The following GFRA1 variants were observed in gnomAD, a reference collection of about 807,000 sequenced individuals.
GFRA1 encodes GDNF family receptor alpha-1.
A neutral mutation model predicts 51.6 loss-of-function variants in GFRA1; 16 were observed. The ratio of observed to expected loss-of-function variants is 0.31; its 90% CI spans 0.21 to 0.47. The LOEUF (loss-of-function observed/expected upper bound fraction) is 0.47, where lower values mean the gene tolerates loss of function less well. Among genes scored for constraint, GFRA1 ranks in the 20% least tolerant of loss-of-function variants. The pLI is 1.00. For missense variants in GFRA1, 530 were observed against 594.3 expected (o/e 0.89, Z 1.13); for synonymous variants, 270 against 241.3 (o/e 1.12, Z -1.10).
intron 5 of GFRA1, among the ~76,000 whole-genome samples, chr10:116,157,334 G>C (rs1044004726): frequency 6.6e-6 from 1 of 152,154 alleles, no homozygotes; most frequent in Non-Finnish European, 1.5e-5. Context: ...CTAGATCTGG[G>C]TATCAGATGT....
intron 4 of GFRA1, among the ~76,000 whole-genome samples, chr10:116,254,319 C>CAA (rs67848241): frequency 0.47 from 49,851 of 106,328 alleles, 12,305 homozygotes; most frequent in Non-Finnish European, 0.53. Flanking sequence ...GAGCCTCTGT[C>CAA]AAAAAAAAAA....
At chr10:116,226,456 C>T (rs1179764962) in intron 4 of GFRA1, among the ~76,000 whole-genome samples, 1 of 152,188 alleles carries the variant, frequency 6.6e-6, no homozygotes, top group Non-Finnish European at 1.5e-5. Flanking sequence ...ATTTCATCGA[C>T]AAGCGGCTTT....
intron 6 of GFRA1, among the ~76,000 whole-genome samples, chr10:116,105,867 C>T (rs996944017): frequency 2.6e-5 from 4 of 152,176 alleles, no homozygotes; most frequent in African/African-American, 9.7e-5. Context: ...GGTAGGCTCT[C>T]AAAGGCATCT....
At chr10:116,205,906 T>C (rs2134413346) in intron 5 of GFRA1, among the ~76,000 whole-genome samples, 1 of 147,870 alleles carries the variant, frequency 6.8e-6, no homozygotes, top group Admixed American at 7.0e-5. Context: ...TATTTAAATC[T>C]GGTTATCATT....
chr10:116,271,129 G>C lies in GFRA1; in HGVS notation c.41-14C>G. 1.3e-6 allele frequency: 2 copies of C among 1,594,620 alleles called. No individual in the cohort carries two copies. Among genetic ancestry groups the C allele is most frequent in the South Asian group, 2.2e-5 (2 of 90,200 alleles). On this transcript the variant is annotated splice_polypyrimidine_tract_variant and intron_variant, in intron 2 of 10. Coordinates refer to ENST00000355422, the MANE Select transcript of GFRA1 (RefSeq NM_005264.8). ...ACAGGAGCAAGTCTGCGGGGCAGAG[G>C]GGAGGGAGCCTGAGTGCGGCGGGCG...
At chr10:116,092,096 T>TACACACACACAC (rs58442181) in intron 8 of GFRA1, among the ~76,000 whole-genome samples, 3,298 of 138,126 alleles carry the variant, frequency 0.024, 74 homozygotes, top group Middle Eastern at 0.054. Context: ...CATACATACG[T>TACACACACACAC]ACACACACAC....
At chr10:116,065,266 T>C (rs113626539) in intron 10 of GFRA1, among the ~76,000 whole-genome samples, 6 of 152,238 alleles carry the variant, frequency 3.9e-5, no homozygotes, top group African/African-American at 9.6e-5. Context: ...GCAGTGAGAT[T>C]TGCTATGTAT....
At chr10:116,258,055 G>A (rs910044159) in intron 4 of GFRA1, among the ~76,000 whole-genome samples, 2 of 152,068 alleles carry the variant, frequency 1.3e-5, no homozygotes, top group Admixed American at 6.6e-5. Context: ...CATCCAGTCC[G>A]TTATTCCCAC....
At chr10:116,195,322 C>T (rs1443283727) in intron 5 of GFRA1, among the ~76,000 whole-genome samples, 2 of 152,200 alleles carry the variant, frequency 1.3e-5, no homozygotes, top group Admixed American at 1.3e-4. Context: ...GTCCTTCAAA[C>T]TCACAGCCTT....
intron 5 of GFRA1, among the ~76,000 whole-genome samples, chr10:116,168,573 G>T (rs1960722150): frequency 6.6e-6 from 1 of 152,164 alleles, no homozygotes; most frequent in Admixed American, 6.5e-5. Flanking sequence ...ACAGGAGGAA[G>T]TATCATGCTG....
chr10:116,206,187 G>A (rs912064907), intron 5 of GFRA1, among the ~76,000 whole-genome samples: 2 of 152,024 alleles, frequency 1.3e-5, no homozygotes, highest in African/African-American at 2.4e-5. Context: ...ATGTTTACCT[G>A]GAAGTGGTAA....
intron 9 of GFRA1, among the ~76,000 whole-genome samples, chr10:116,076,852 C>G (rs1298236584): frequency 6.6e-6 from 1 of 152,156 alleles, no homozygotes; most frequent in Non-Finnish European, 1.5e-5. Flanking sequence ...TCAAAACATA[C>G]CCATGGCAAA....
chr10:116,131,372 C>T (rs1333989515), intron 5 of GFRA1, among the ~76,000 whole-genome samples: 1 of 152,174 alleles, frequency 6.6e-6, no homozygotes, highest in Non-Finnish European at 1.5e-5. Flanking sequence ...ACTAAACATA[C>T]AATTACCCTA....
chr10:116,222,014 A>G (rs191383709), intron 4 of GFRA1, among the ~76,000 whole-genome samples: 1 of 152,204 alleles, frequency 6.6e-6, no homozygotes, highest in African/African-American at 2.4e-5. Context: ...AATACAATAC[A>G]AGGAAATATG....
chr10:116,237,574 CAAAAAAA>C (rs5788145), intron 4 of GFRA1, among the ~76,000 whole-genome samples: 1 of 112,592 alleles, frequency 8.9e-6, no homozygotes, highest in African/African-American at 3.0e-5. Flanking sequence ...AAACTAAAGG[CAAAAAAA>C]AAAAAAAAAA....
rs1472919118 is a variant in GFRA1 at position 116,185,968 on chromosome 10, T to A, written c.433+25663A>T. On this transcript the variant is annotated intron_variant, in intron 5 of 10. Coordinates refer to ENST00000355422, the MANE Select transcript of GFRA1 (RefSeq NM_005264.8). ...GAGTCTGGTATACCTCCAGGAAAGC[T>A]GCCCTTTTTATCTTTTAAATTTTAT... Among the ~76,000 whole-genome samples the A allele has an allele frequency of 2.0e-5, 3 of 152,252 alleles. No individual in the cohort carries two copies. The East Asian group carries it at 5.8e-4, about 29-fold the overall frequency.
intron 5 of GFRA1, among the ~76,000 whole-genome samples, chr10:116,163,754 G>T (rs1960083464): frequency 6.6e-6 from 1 of 152,114 alleles, no homozygotes; most frequent in Admixed American, 6.5e-5. Context: ...GGAGGCAGGG[G>T]ATCTGGATGA....
chr10:116,123,454 G>C (rs543980628), intron 6 of GFRA1, among the ~76,000 whole-genome samples: 67 of 152,258 alleles, frequency 4.4e-4, no homozygotes, highest in Middle Eastern at 3.4e-3. Flanking sequence ...AGCATGAGAG[G>C]GTTATACAGA....
At chr10:116,198,771 C>T (rs144870839) in intron 5 of GFRA1, among the ~76,000 whole-genome samples, 6,969 of 152,284 alleles carry the variant, frequency 0.046, 214 homozygotes, top group Non-Finnish European at 0.069. Flanking sequence ...CCCAGGTTGG[C>T]TGGTCATCCA....
Sources: gnomAD v4.1 joint callset for allele counts (sites outside exome capture counted in the v4.1 genomes callset) on GRCh38, gnomAD v4.1.1 for gene constraint, MANE v1.5 for transcripts, NCBI Gene and HGNC (gene_info 2026-07-23, HGNC 2026-07-21) for gene names.